KCNAB1: variants seen among roughly 807,000 people sequenced by gnomAD.
The protein encoded by KCNAB1 is voltage-gated potassium channel subunit beta-1.
Under a neutral mutation model 64.6 loss-of-function variants are expected in KCNAB1, and 35 were observed. The ratio of observed to expected loss-of-function variants is 0.54; its 90% confidence interval spans 0.41 to 0.72. KCNAB1 has a LOEUF of 0.72. KCNAB1 is among the 30% of genes least tolerant of loss of function. The pLI is 0.00. For synonymous variants in KCNAB1, 177 were observed against 183.8 expected, an observed-to-expected ratio of 0.96 and a Z score of 0.30; for missense variants, 401 against 512.9, an observed-to-expected ratio of 0.78 and a Z score of 2.11.
intron 1 of KCNAB1, among the ~76,000 whole-genome samples, chr3:156,229,017 C>T (rs779217550): frequency 6.6e-5 from 10 of 152,138 alleles, no homozygotes; most frequent in Admixed American, 1.3e-4. Flanking sequence ...AGGCATCATT[C>T]CCCTCTTCCT....
intron 1 of KCNAB1, among the ~76,000 whole-genome samples, chr3:156,322,905 G>A (rs1230919735): frequency 6.6e-6 from 1 of 152,086 alleles, no homozygotes; most frequent in Non-Finnish European, 1.5e-5. Context: ...ACATATCTGA[G>A]GAGACTACAC....
chr3:156,168,523 G>C (rs1298292795), intron 1 of KCNAB1, among the ~76,000 whole-genome samples: 1 of 151,960 alleles, frequency 6.6e-6, no homozygotes, highest in Non-Finnish European at 1.5e-5. Context: ...ATTTTTCACA[G>C]AGTCTTGCAC....
At chr3:156,405,011 C>G (rs556584726) in intron 1 of KCNAB1, among the ~76,000 whole-genome samples, 9 of 152,362 alleles carry the variant, frequency 5.9e-5, no homozygotes, top group Non-Finnish European at 8.8e-5. Context: ...CTAGAAGGCT[C>G]AGCACCTAGT....
chr3:156,154,250 C>T (rs1715584741), intron 1 of KCNAB1, among the ~76,000 whole-genome samples: 1 of 151,870 alleles, frequency 6.6e-6, no homozygotes, highest in Non-Finnish European at 1.5e-5. Flanking sequence ...ATGTCTAACA[C>T]ACTCATATTA....
At chr3:156,440,824 T>A (rs1266034735) in intron 2 of KCNAB1, among the ~76,000 whole-genome samples, 1 of 152,198 alleles carries the variant, frequency 6.6e-6, no homozygotes, top group Admixed American at 6.5e-5. Context: ...AATCCTTATA[T>A]GTAAATCTGT....
At chr3:156,136,840 G>A (rs1714372962) in intron 1 of KCNAB1, among the ~76,000 whole-genome samples, 2 of 152,196 alleles carry the variant, frequency 1.3e-5, no homozygotes, top group South Asian at 4.1e-4. Context: ...CATGCCCAAA[G>A]TAGGTGAGGA....
At chr3:156,524,612 T>C (rs1375634696) in intron 12 of KCNAB1, among the ~76,000 whole-genome samples, 3 of 150,688 alleles carry the variant, frequency 2.0e-5, no homozygotes, top group Admixed American at 6.6e-5. Flanking sequence ...CCGGGCGTGG[T>C]GGTGGGTGCC....
intron 1 of KCNAB1, among the ~76,000 whole-genome samples, chr3:156,349,969 T>C (rs963534654): frequency 3.3e-5 from 5 of 152,228 alleles, no homozygotes; most frequent in African/African-American, 1.2e-4. Flanking sequence ...TTCTCTAATC[T>C]GGATTTTCTT....
intron 1 of KCNAB1, among the ~76,000 whole-genome samples, chr3:156,145,105 G>A (rs1212632859): frequency 6.6e-6 from 1 of 152,178 alleles, no homozygotes; most frequent in Non-Finnish European, 1.5e-5. Context: ...TGATGCCTTG[G>A]TGGGGAAGGC....
chr3:156,275,323 T>C (rs1226209349), intron 1 of KCNAB1, among the ~76,000 whole-genome samples: 2 of 152,206 alleles, frequency 1.3e-5, no homozygotes, highest in African/African-American at 4.8e-5. Context: ...CTAATGAATA[T>C]CTGAGCATTC....
At chr3:156,413,886 A>G (rs1714864860) in intron 1 of KCNAB1, among the ~76,000 whole-genome samples, 1 of 152,212 alleles carries the variant, frequency 6.6e-6, no homozygotes, top group Non-Finnish European at 1.5e-5. Context: ...CACAATAACC[A>G]TAAGATGCAC....
chr3:156,331,525 A>G (rs1723328541), intron 1 of KCNAB1, among the ~76,000 whole-genome samples: 1 of 152,222 alleles, frequency 6.6e-6, no homozygotes, highest in African/African-American at 2.4e-5. Flanking sequence ...AATTTAAAAA[A>G]TATTTTGACA....
chr3:156,327,699 G>A (rs1283294414), intron 1 of KCNAB1, among the ~76,000 whole-genome samples: 1 of 152,126 alleles, frequency 6.6e-6, no homozygotes, highest in East Asian at 1.9e-4. Flanking sequence ...AATATCCCAG[G>A]CACAGAGTTG....
intron 1 of KCNAB1, among the ~76,000 whole-genome samples, chr3:156,196,680 A>G (rs1713971929): frequency 1.3e-5 from 2 of 152,166 alleles, no homozygotes. Flanking sequence ...ACTTTGCTGA[A>G]GTTGCTCATC....
chr3:156,181,810 T>G (rs1712837127), intron 1 of KCNAB1, among the ~76,000 whole-genome samples: 1 of 151,912 alleles, frequency 6.6e-6, no homozygotes, highest in Non-Finnish European at 1.5e-5. Context: ...GGAAAGGCAG[T>G]GAGGTGGGGT....
chr3:156,509,183 T>C (rs183357137), intron 8 of KCNAB1, among the ~76,000 whole-genome samples: 38 of 152,246 alleles, frequency 2.5e-4, no homozygotes, highest in Middle Eastern at 6.8e-3. Flanking sequence ...ATGAAGCACT[T>C]GGGTTAGATA....
intron 1 of KCNAB1, among the ~76,000 whole-genome samples, chr3:156,421,116 TAGTC>T (rs1195861405): frequency 3.3e-5 from 5 of 152,188 alleles, no homozygotes; most frequent in East Asian, 1.9e-4. Flanking sequence ...GTCAGTTTGT[TAGTC>T]AGTAAGTCAA....
At chr3:156,216,058 G>C (rs1218996846) in intron 1 of KCNAB1, among the ~76,000 whole-genome samples, 1 of 152,112 alleles carries the variant, frequency 6.6e-6, no homozygotes, top group Admixed American at 6.5e-5. Context: ...GGATATAGTG[G>C]GTAGCTACAA....
chr3:156,285,512 T>TG (rs922799626), intron 1 of KCNAB1, among the ~76,000 whole-genome samples: 1 of 38,658 alleles, frequency 2.6e-5, no homozygotes, highest in East Asian at 3.4e-3. Context: ...CTTTTTTTGG[T>TG]GGGGGGGATG....
Sources: allele counts gnomAD v4.1 joint callset (sites outside exome capture counted in the v4.1 genomes callset), GRCh38; gene constraint gnomAD v4.1.1; transcripts MANE v1.5; gene names NCBI Gene and HGNC (gene_info 2026-07-23, HGNC 2026-07-21).